Variants in FSTL4 observed in about 807,000 individuals in gnomAD.
The protein encoded by FSTL4 is follistatin like 4, also known as follistatin-related protein 4.
A neutral mutation model predicts 78.2 loss-of-function variants in FSTL4; 28 were observed. The observed-to-expected ratio is 0.36, with a 90% CI of 0.27 to 0.49. The LOEUF is 0.49. FSTL4 is among the 20% of genes least tolerant of loss of function. The probability of loss-of-function intolerance (pLI) is 0.98; values close to 1 mark genes in which losing one functional copy is unlikely to be tolerated. For missense variants in FSTL4, 922 were observed against 1,084.9 expected (o/e 0.85, Z 2.11); for synonymous variants, 422 against 440.5 (o/e 0.96, Z 0.53).
At chr5:133,388,574 C>G (rs2126958912) in intron 4 of FSTL4, 1 of 143,236 alleles carries the variant, frequency 7.0e-6, no homozygotes, top group Non-Finnish European at 1.5e-5. Flanking sequence ...CCCAGTGCAA[C>G]ACCAGGTAGG....
intron 6 of FSTL4, among the ~76,000 whole-genome samples, chr5:133,268,798 T>G (rs1298645062): frequency 2.0e-5 from 3 of 152,232 alleles, no homozygotes; most frequent in East Asian, 3.8e-4. Flanking sequence ...CGACGCCAAT[T>G]GCAGTATTAT....
the FSTL4 span, among the ~76,000 whole-genome samples, chr5:133,731,224 A>G: frequency 2.0e-5 from 3 of 152,182 alleles, no homozygotes; most frequent in African/African-American, 4.8e-5. Flanking sequence ...GGAAACTCCA[A>G]TTATAACCCA....
intron 3 of FSTL4, among the ~76,000 whole-genome samples, chr5:133,463,319 C>T (rs1282610267): frequency 6.6e-6 from 1 of 152,184 alleles, no homozygotes; most frequent in Non-Finnish European, 1.5e-5. Context: ...CTCTTGATAT[C>T]CAATCAAGTG....
At chr5:133,712,252 T>G in the FSTL4 span, among the ~76,000 whole-genome samples, 1 of 152,184 alleles carries the variant, frequency 6.6e-6, no homozygotes, top group Non-Finnish European at 1.5e-5. Context: ...AGACAGGCTC[T>G]TGTGATCTGA....
chr5:133,696,342 G>T, the FSTL4 span, among the ~76,000 whole-genome samples: 1 of 152,218 alleles, frequency 6.6e-6, no homozygotes, highest in East Asian at 1.9e-4. Flanking sequence ...CCGAAGCCCT[G>T]TGACCATCCT....
rs566037945 is a variant in FSTL4 at position 133,296,745 on chromosome 5, T to C, written c.727+15909A>G. Reference sequence around the variant, plus strand: ...CTCAAAAGTACTACCCACGTTGTAATCTACGCATCCATTGTTGTTTATCTG... The same window carrying C: ...CTCAAAAGTACTACCCACGTTGTAACCTACGCATCCATTGTTGTTTATCTG... On this transcript the variant is annotated intron_variant, in intron 6 of 15. Coordinates refer to ENST00000265342, the MANE Select transcript of FSTL4 (RefSeq NM_015082.2). Among the ~76,000 whole-genome samples, 20 of 152,334 alleles carry C rather than the reference T, an allele frequency of 1.3e-4. No individual in the cohort carries two copies. In the South Asian group the frequency reaches 3.5e-3, roughly 27 times the overall value.
the FSTL4 span, among the ~76,000 whole-genome samples, chr5:133,668,178 G>A: frequency 6.6e-6 from 1 of 152,162 alleles, no homozygotes; most frequent in African/African-American, 2.4e-5. Context: ...GCTGCACAGG[G>A]TCAGTCACTG....
chr5:133,770,074 G>A, the FSTL4 span, among the ~76,000 whole-genome samples: 12 of 152,060 alleles, frequency 7.9e-5, no homozygotes, highest in African/African-American at 2.4e-4. Flanking sequence ...TGGGGTGTGT[G>A]TGGGTGTGTT....
At chr5:133,463,243 T>A (rs577940066) in intron 3 of FSTL4, among the ~76,000 whole-genome samples, 80 of 152,290 alleles carry the variant, frequency 5.3e-4, no homozygotes, top group African/African-American at 1.9e-3. Context: ...CAGGGCCTAA[T>A]CCTTGGTCTA....
intron 3 of FSTL4, among the ~76,000 whole-genome samples, chr5:133,469,674 T>C (rs1561729491): frequency 6.6e-6 from 1 of 152,150 alleles, no homozygotes; most frequent in Non-Finnish European, 1.5e-5. Context: ...TGAGACTCAA[T>C]TACAATGTCT....
intron 3 of FSTL4, among the ~76,000 whole-genome samples, chr5:133,438,820 G>GATCTAGTTAGCTCT (rs1757089925): frequency 6.6e-6 from 1 of 152,210 alleles, no homozygotes; most frequent in African/African-American, 2.4e-5. Flanking sequence ...CTTTGGGGAA[G>GATCTAGTTAGCTCT]GTCTGAGGAG....
intron 2 of FSTL4, among the ~76,000 whole-genome samples, chr5:133,575,557 C>T (rs1051635294): frequency 2.0e-5 from 3 of 152,124 alleles, no homozygotes; most frequent in Non-Finnish European, 2.9e-5. Flanking sequence ...GAGAGGGAGA[C>T]GATCAGATTA....
chr5:133,736,323 T>C, the FSTL4 span, among the ~76,000 whole-genome samples: 1 of 152,190 alleles, frequency 6.6e-6, no homozygotes, highest in African/African-American at 2.4e-5. Context: ...TGGCATTAAT[T>C]ACTTTCATGC....
At chr5:133,476,419 T>G (rs557191682) in intron 3 of FSTL4, among the ~76,000 whole-genome samples, 1 of 152,312 alleles carries the variant, frequency 6.6e-6, no homozygotes, top group South Asian at 2.1e-4. Flanking sequence ...GCCCTCAGTT[T>G]AGCAGCACAT....
the FSTL4 span, among the ~76,000 whole-genome samples, chr5:133,771,882 C>A: frequency 6.6e-6 from 1 of 152,120 alleles, no homozygotes; most frequent in African/African-American, 2.4e-5. Flanking sequence ...TGTAACTTAG[C>A]TGAACAAGTG....
chr5:133,495,456 G>C (rs10055615), intron 3 of FSTL4, among the ~76,000 whole-genome samples: 3,214 of 152,310 alleles, frequency 0.021, 121 homozygotes, highest in African/African-American at 0.074. Flanking sequence ...GGGGATGAGC[G>C]ATAATCCAAA....
the FSTL4 span, among the ~76,000 whole-genome samples, chr5:133,804,939 T>C: frequency 2.6e-5 from 1 of 39,082 alleles, no homozygotes; most frequent in South Asian, 1.5e-3. Context: ...TGAGACTCCG[T>C]CTCAAAAAAA....
chr5:133,378,536 A>C (rs1312478031), intron 4 of FSTL4, among the ~76,000 whole-genome samples: 7 of 152,194 alleles, frequency 4.6e-5, no homozygotes, highest in Non-Finnish European at 8.8e-5. Flanking sequence ...GCTTCAAATG[A>C]CAAAATTATT....
At chr5:133,460,388 TC>T (rs1393729992) in intron 3 of FSTL4, among the ~76,000 whole-genome samples, 1 of 152,062 alleles carries the variant, frequency 6.6e-6, no homozygotes, top group African/African-American at 2.4e-5. Flanking sequence ...GATTTTGGGG[TC>T]CCCGCTCCTC....
Sources: allele counts gnomAD v4.1 joint callset (sites outside exome capture counted in the v4.1 genomes callset), GRCh38; gene constraint gnomAD v4.1.1; transcripts MANE v1.5; gene names NCBI Gene and HGNC (gene_info 2026-07-23, HGNC 2026-07-21).